Variants in ELOVL6 observed in about 807,000 individuals in gnomAD.
ELOVL6 encodes very long chain fatty acid elongase 6.
Under a neutral mutation model 31.7 loss-of-function variants are expected in ELOVL6, and 8 were observed. That is an observed-to-expected ratio of 0.25 (90% CI 0.15 to 0.45). ELOVL6 has a LOEUF of 0.45. ELOVL6 is among the 20% of genes least tolerant of loss of function. ELOVL6 has a pLI of 1.00. For missense variants in ELOVL6, 126 were observed against 326.4 expected (o/e 0.39, Z 4.73); for synonymous variants, 101 against 117.7 (o/e 0.86, Z 0.92).
chr4:110,075,523 T>C (rs1279734451), intron 2 of ELOVL6, among the ~76,000 whole-genome samples: 1 of 152,098 alleles, frequency 6.6e-6, no homozygotes, highest in Non-Finnish European at 1.5e-5. Flanking sequence ...AAAAGACAAA[T>C]ACTGTATGAT....
intron 1 of ELOVL6, among the ~76,000 whole-genome samples, chr4:110,139,674 T>A (rs935808962): frequency 1.3e-5 from 2 of 152,178 alleles, no homozygotes; most frequent in Non-Finnish European, 2.9e-5. Context: ...TCAGCTTTGT[T>A]TATCTAAGAT....
At chr4:110,163,362 T>C (rs941186700) in intron 1 of ELOVL6, among the ~76,000 whole-genome samples, 1 of 152,236 alleles carries the variant, frequency 6.6e-6, no homozygotes, top group Admixed American at 6.5e-5. Flanking sequence ...ATTTTCTTTA[T>C]AGCAGTTAGC....
intron 1 of ELOVL6, among the ~76,000 whole-genome samples, chr4:110,151,571 T>C (rs1180410340): frequency 6.6e-6 from 1 of 152,178 alleles, no homozygotes; most frequent in African/African-American, 2.4e-5. Flanking sequence ...ACCTATGGGA[T>C]AGATGCTTGG....
In ELOVL6 at chr4:110,048,640, A is replaced by C. The variant is rs899342911; in HGVS notation, c.*2698T>G. 2 of 152,214 alleles carry C rather than the reference A, an allele frequency of 1.3e-5. No individual in the cohort carries two copies. The highest frequency in any genetic ancestry group is 6.5e-5 in the Admixed American group (1 of 15,282). 9.4% of individuals were successfully genotyped at this position (152,214 alleles called of 1,614,324 possible). On this transcript the variant is annotated 3_prime_UTR_variant, in exon 4 of 4. Transcript: ENST00000302274. ...CAGCCTCATATCTTGATATGATTAA[A>C]GCGGCTAAGCTGAGATGTTAAAAAC...
chr4:110,129,110 C>A (rs562483430), intron 1 of ELOVL6, among the ~76,000 whole-genome samples: 4 of 152,060 alleles, frequency 2.6e-5, no homozygotes, highest in African/African-American at 9.7e-5. Context: ...ATGTATAAAT[C>A]TTTTTTTCAA....
At chr4:110,158,951 G>A (rs545400766) in intron 1 of ELOVL6, among the ~76,000 whole-genome samples, 284 of 152,100 alleles carry the variant, frequency 1.9e-3, no homozygotes, top group African/African-American at 6.5e-3. Flanking sequence ...ATGAGCCACC[G>A]TGCCTGGCCA....
At chr4:110,153,723 T>C (rs1056476303) in intron 1 of ELOVL6, among the ~76,000 whole-genome samples, 3 of 152,228 alleles carry the variant, frequency 2.0e-5, no homozygotes, top group African/African-American at 7.2e-5. Context: ...AAAACTGTTA[T>C]AATTTTTAAA....
chr4:110,155,413 T>A (rs1240983950), intron 1 of ELOVL6, among the ~76,000 whole-genome samples: 1 of 152,028 alleles, frequency 6.6e-6, no homozygotes, highest in Admixed American at 6.6e-5. Context: ...GCAAAAAAAA[T>A]TATTATTTAC....
At chr4:110,169,547 C>T (rs1758883163) in intron 1 of ELOVL6, among the ~76,000 whole-genome samples, 1 of 151,508 alleles carries the variant, frequency 6.6e-6, no homozygotes, top group Non-Finnish European at 1.5e-5. Flanking sequence ...CTGGCCAGCC[C>T]AATAGAAGTC....
chr4:110,194,166 C>G (rs1311798721), intron 1 of ELOVL6, among the ~76,000 whole-genome samples: 1 of 152,152 alleles, frequency 6.6e-6, no homozygotes, highest in African/African-American at 2.4e-5. Context: ...GCTAGCAGCA[C>G]TTCCAACTTA....
At chr4:110,144,633 A>G (rs1469588657) in intron 1 of ELOVL6, among the ~76,000 whole-genome samples, 1 of 152,156 alleles carries the variant, frequency 6.6e-6, no homozygotes, top group Non-Finnish European at 1.5e-5. Context: ...ACCTGCAGAA[A>G]TGATCTGACA....
chr4:110,169,813 T>TTTA (rs1758891655), intron 1 of ELOVL6, among the ~76,000 whole-genome samples: 1 of 150,594 alleles, frequency 6.6e-6, no homozygotes, highest in African/African-American at 2.4e-5. Flanking sequence ...CTTTCTTTTT[T>TTTA]TTTTTTTTTG....
chr4:110,125,737 G>T (rs1242146542), intron 1 of ELOVL6, among the ~76,000 whole-genome samples: 2 of 151,612 alleles, frequency 1.3e-5, no homozygotes, highest in African/African-American at 4.8e-5. Flanking sequence ...TGAGGCAAAA[G>T]AATCGCTTGA....
chr4:110,102,403 C>T (rs757304931), intron 2 of ELOVL6, among the ~76,000 whole-genome samples: 7 of 152,056 alleles, frequency 4.6e-5, no homozygotes, highest in Admixed American at 3.9e-4. Flanking sequence ...ATTTTTGACC[C>T]GAGAGGAAGG....
chr4:110,108,005 T>C (rs1174041286), intron 1 of ELOVL6, among the ~76,000 whole-genome samples: 1 of 152,184 alleles, frequency 6.6e-6, no homozygotes. Context: ...AAGTGTTATC[T>C]TATAAGCTGT....
intron 1 of ELOVL6, among the ~76,000 whole-genome samples, chr4:110,180,522 A>G (rs62326652): frequency 0.062 from 9,484 of 152,252 alleles, 322 homozygotes; most frequent in South Asian, 0.12. Flanking sequence ...AGTTGAGACT[A>G]CAAGCAGCTA....
intron 2 of ELOVL6, among the ~76,000 whole-genome samples, chr4:110,074,323 G>T (rs1755570712): frequency 6.6e-6 from 1 of 152,136 alleles, no homozygotes; most frequent in African/African-American, 2.4e-5. Context: ...TTGTATTGTT[G>T]TCTTTATTTT....
intron 1 of ELOVL6, among the ~76,000 whole-genome samples, chr4:110,188,304 A>G (rs890346515): frequency 6.6e-6 from 1 of 152,216 alleles, no homozygotes; most frequent in Admixed American, 6.5e-5. Context: ...CAAAAGAGAC[A>G]TTTGTGAGAT....
rs879322313 is a variant in ELOVL6, at chr4:110,073,311, A to AT, written c.222-13558dup. ...CAGAGCTCACTCTTTTCACAGAGGC[A>AT]TTTTTTTTTTTAACCTCAGGGTAGG... On this transcript the variant is annotated intron_variant, in intron 2 of 3. Coordinates refer to ENST00000302274, the MANE Select transcript of ELOVL6 (RefSeq NM_024090.3). Among the ~76,000 whole-genome samples the AT allele has an allele frequency of 6.6e-3, 975 of 147,916 alleles. 11 individuals carry two copies. Among genetic ancestry groups the AT allele is most frequent in the African/African-American group, 0.022 (884 of 40,632 alleles).
Sources: gnomAD v4.1 joint callset for allele counts (sites outside exome capture counted in the v4.1 genomes callset) on GRCh38, gnomAD v4.1.1 for gene constraint, MANE v1.5 for transcripts, NCBI Gene and HGNC (gene_info 2026-07-23, HGNC 2026-07-21) for gene names.